EPC2: variants seen among roughly 807,000 people sequenced by gnomAD.
The protein encoded by EPC2 is enhancer of polycomb homolog 2.
In EPC2, 14 loss-of-function variants were observed where a neutral mutation model predicts 92.1. That is an observed-to-expected ratio of 0.15 (90% CI 0.10 to 0.24). The LOEUF (loss-of-function observed/expected upper bound fraction) is 0.24, where lower values mean the gene tolerates loss of function less well. Among genes scored for constraint, EPC2 ranks in the 10% least tolerant of loss-of-function variants. EPC2 has a pLI of 1.00. For synonymous variants in EPC2, 340 were observed against 334.7 expected, an observed-to-expected ratio of 1.02 and a Z score of -0.17; for missense variants, 755 against 971.5, an observed-to-expected ratio of 0.78 and a Z score of 2.96.
At chr2:148,655,396 A>G (rs978712679) in intron 1 of EPC2, among the ~76,000 whole-genome samples, 1 of 152,222 alleles carries the variant, frequency 6.6e-6, no homozygotes, top group African/African-American at 2.4e-5. Context: ...AATCAATTGT[A>G]TTGAAATAAA....
At chr2:148,763,920 C>T (rs925828010) in intron 6 of EPC2, among the ~76,000 whole-genome samples, 6 of 152,042 alleles carry the variant, frequency 3.9e-5, no homozygotes, top group African/African-American at 1.2e-4. Context: ...TATTTTAGAC[C>T]TCCTCTATGA....
chr2:148,684,344 A>G (rs769778395), intron 1 of EPC2, among the ~76,000 whole-genome samples: 6 of 152,116 alleles, frequency 3.9e-5, no homozygotes, highest in Non-Finnish European at 5.9e-5. Flanking sequence ...TGCTGTGCAG[A>G]ATCTTTAGTT....
chr2:148,689,181 ATT>A (rs754482607), intron 1 of EPC2, among the ~76,000 whole-genome samples: 1 of 145,346 alleles, frequency 6.9e-6, no homozygotes. Context: ...ATTGAGTGAA[ATT>A]TTTTTTTTTT....
Position 148,693,308 on chromosome 2 carries a change from A to T in EPC2, c.313+2935A>T, listed in dbSNP as rs532336512. ...TTGCCACAGTAGGATGGCCTTGTTC[A>T]GGTTCATCACATACTTGCCTGGGCT... On this transcript the variant is annotated intron_variant, in intron 2 of 13. Transcript: ENST00000258484. 1.1e-3 allele frequency among the ~76,000 whole-genome samples: 162 copies of T among 152,242 alleles called. 1 individual carries two copies. Among genetic ancestry groups the T allele is most frequent in the African/African-American group, 3.7e-3 (155 of 41,502 alleles).
At chr2:148,694,262 A>G (rs1489488632) in intron 2 of EPC2, among the ~76,000 whole-genome samples, 1 of 152,182 alleles carries the variant, frequency 6.6e-6, no homozygotes, top group African/African-American at 2.4e-5. Context: ...ATTTAGCCCA[A>G]AAAGTGCCGA....
intron 1 of EPC2, among the ~76,000 whole-genome samples, chr2:148,688,264 C>A (rs1681569491): frequency 6.6e-6 from 1 of 152,146 alleles, no homozygotes; most frequent in African/African-American, 2.4e-5. Context: ...TTTGTAGGGA[C>A]ATGGATGAAG....
intron 3 of EPC2, among the ~76,000 whole-genome samples, chr2:148,745,362 GCTTT>G (rs1284965059): frequency 2.0e-5 from 3 of 152,090 alleles, no homozygotes; most frequent in Admixed American, 6.6e-5. Context: ...TCTGTAATTT[GCTTT>G]CTTTGAGTCA....
chr2:148,656,918 G>T (rs1172600520), intron 1 of EPC2, among the ~76,000 whole-genome samples: 1 of 152,144 alleles, frequency 6.6e-6, no homozygotes, highest in Non-Finnish European at 1.5e-5. Flanking sequence ...TCATGTAATA[G>T]CTAATTGACT....
At chr2:148,711,952 T>G (rs1269004886) in intron 2 of EPC2, among the ~76,000 whole-genome samples, 1 of 152,182 alleles carries the variant, frequency 6.6e-6, no homozygotes, top group South Asian at 2.1e-4. Flanking sequence ...GTTCCTTTAA[T>G]CTCTATGTGT....
intron 2 of EPC2, among the ~76,000 whole-genome samples, chr2:148,731,128 C>CTGTTATACATGT (rs1358949199): frequency 6.6e-6 from 1 of 152,120 alleles, no homozygotes; most frequent in Non-Finnish European, 1.5e-5. Context: ...AGAAGGGATA[C>CTGTTATACATGT]TGTTATACAT....
intron 2 of EPC2, among the ~76,000 whole-genome samples, chr2:148,691,059 T>C (rs1022575598): frequency 1.3e-5 from 2 of 152,248 alleles, no homozygotes; most frequent in Non-Finnish European, 2.9e-5. Context: ...TCATATAGTT[T>C]TTATTAAAGA....
intron 2 of EPC2, among the ~76,000 whole-genome samples, chr2:148,739,242 CAT>C (rs1484689191): frequency 6.6e-6 from 1 of 152,182 alleles, no homozygotes; most frequent in African/African-American, 2.4e-5. Context: ...ATATAGCAAT[CAT>C]ATTCATATTC....
At chr2:148,651,496 T>A (rs1177674515) in intron 1 of EPC2, among the ~76,000 whole-genome samples, 4 of 152,132 alleles carry the variant, frequency 2.6e-5, no homozygotes, top group African/African-American at 9.7e-5. Flanking sequence ...GGGTGGAGAT[T>A]AGGTTGGAAA....
chr2:148,645,070 C>G lies in EPC2; in HGVS notation c.53C>G (p.Pro18Arg). The G allele has an allele frequency of 6.3e-7, 1 of 1,583,020 alleles. No individual in the cohort carries two copies. Among genetic ancestry groups the G allele is most frequent in the Non-Finnish European group, 8.6e-7 (1 of 1,163,206 alleles). ...ARALDAAKPLPIYRGKDMPDL... is the reference protein window; with the variant it reads ...ARALDAAKPLRIYRGKDMPDL... ...GCGCTGGACGCCGCCAAGCCGCTGCCTATCTACCGCGGCAAGGACATGCCT... is the reference window on the plus strand; with the variant it reads ...GCGCTGGACGCCGCCAAGCCGCTGCGTATCTACCGCGGCAAGGACATGCCT... Residue 18 changes from proline (P) to arginine (R), a missense_variant, in exon 1 of 14, where the codon CCT becomes CGT. This residue lies in a region of EPC2 where 36 missense variants were observed against 84.0 expected (regional missense o/e 0.43). Coordinates refer to ENST00000258484, the MANE Select transcript of EPC2 (RefSeq NM_015630.4).
chr2:148,746,147 A>G (rs1558827837), intron 3 of EPC2, among the ~76,000 whole-genome samples: 1 of 151,762 alleles, frequency 6.6e-6, no homozygotes, highest in African/African-American at 2.4e-5. Context: ...TGGTTTTCTT[A>G]TCCTACATAT....
chr2:148,712,675 G>A (rs1351136141), intron 2 of EPC2, among the ~76,000 whole-genome samples: 1 of 150,244 alleles, frequency 6.7e-6, no homozygotes, highest in African/African-American at 2.5e-5. Flanking sequence ...AGATTGCTTG[G>A]GGCCAGGAGT....
chr2:148,761,045 A>G (rs987848908), intron 4 of EPC2, among the ~76,000 whole-genome samples: 4 of 152,244 alleles, frequency 2.6e-5, no homozygotes, highest in African/African-American at 9.6e-5. Context: ...TATATTAGTA[A>G]TAATTTTATA....
Position 148,644,857 on chromosome 2 carries a change from G to A in EPC2, c.-161G>A. The A allele has an allele frequency of 3.4e-6, 2 of 596,522 alleles. No homozygotes were observed. Among genetic ancestry groups the A allele is most frequent in the Non-Finnish European group, 5.6e-6 (2 of 354,094 alleles). 37.0% of individuals were successfully genotyped at this position (596,522 alleles called of 1,614,324 possible). The stretch of plus-strand genomic sequence containing the variant: ...GGGCGCGGGGGGCTGTTTTCGGGCG[G>A]GGTGGGCGCCCATGCTGTGGCCGGG... On this transcript the variant is annotated 5_prime_UTR_variant, in exon 1 of 14. Coordinates refer to ENST00000258484, the MANE Select transcript of EPC2 (RefSeq NM_015630.4).
At chr2:148,674,957 T>C (rs1185702396) in intron 1 of EPC2, among the ~76,000 whole-genome samples, 1 of 152,268 alleles carries the variant, frequency 6.6e-6, no homozygotes, top group Admixed American at 6.5e-5. Flanking sequence ...GAAGGTTTTC[T>C]TGGAATATAG....
Sources: allele counts gnomAD v4.1 joint callset (sites outside exome capture counted in the v4.1 genomes callset), GRCh38; gene constraint gnomAD v4.1.1; regional missense constraint gnomAD v4.1.1; transcripts MANE v1.5; gene names NCBI Gene and HGNC (gene_info 2026-07-23, HGNC 2026-07-21).